Variants in LSP1 observed in about 807,000 individuals in gnomAD.
The protein encoded by LSP1 is lymphocyte-specific protein 1.
LSP1 carries 32 observed loss-of-function variants against 49.3 expected under a neutral mutation model. That is an observed-to-expected ratio of 0.65 (90% CI 0.49 to 0.87). The LOEUF is 0.87. Ranked by LOEUF, LSP1 falls within the 40% of genes least tolerant of loss-of-function variation. The pLI, the probability that LSP1 is intolerant of heterozygous loss-of-function variation, is 0.00. For synonymous variants in LSP1, 179 were observed against 178.8 expected, an observed-to-expected ratio of 1.00 and a Z score of -0.01; for missense variants, 428 against 442.6, an observed-to-expected ratio of 0.97 and a Z score of 0.30.
chr11:1,865,545 C>T (rs113484129), intron 1 of LSP1, among the ~76,000 whole-genome samples: 29,799 of 132,372 alleles, frequency 0.23, 3,240 homozygotes, highest in South Asian at 0.4. Context: ...CCGTCCCACC[C>T]GCACCGCCGG....
At chr11:1,876,574 G>T (rs1848318734) in intron 1 of LSP1, 1 of 985,520 alleles carries the variant, frequency 1.0e-6, no homozygotes, top group South Asian at 4.7e-5. Context: ...GGAGCTGCCT[G>T]CAGGGGGCAG....
At chr11:1,853,572 C>CT (rs1393722544) in intron 1 of LSP1, among the ~76,000 whole-genome samples, 1 of 152,164 alleles carries the variant, frequency 6.6e-6, no homozygotes, top group Non-Finnish European at 1.5e-5. Context: ...AAGGTGGGGG[C>CT]TGGGGAGCAG....
At chr11:1,889,050 A>G (rs1848871951) in intron 10 of LSP1, 2 of 574,360 alleles carry the variant, frequency 3.5e-6, no homozygotes, top group Non-Finnish European at 3.1e-6. Flanking sequence ...GCCCTGGTGC[A>G]TCTTCATGCA....
At chr11:1,870,404 G>A in intron 1 of LSP1, 1 of 1,228,166 alleles carries the variant, frequency 8.1e-7, no homozygotes, top group Non-Finnish European at 1.1e-6. Context: ...TTTCTGCTCT[G>A]CCATGTCTTC....
chr11:1,859,147 C>A (rs1277307980), intron 1 of LSP1, among the ~76,000 whole-genome samples: 1 of 152,206 alleles, frequency 6.6e-6, no homozygotes, highest in Non-Finnish European at 1.5e-5. Context: ...TTCCAGCATA[C>A]TTCCTGGGTT....
intron 1 of LSP1, among the ~76,000 whole-genome samples, chr11:1,862,529 G>A (rs1312942624): frequency 6.6e-6 from 1 of 152,148 alleles, no homozygotes; most frequent in Non-Finnish European, 1.5e-5. Context: ...AGGAGGCAAG[G>A]AGGAAATAGG....
At chr11:1,870,565 G>T in intron 1 of LSP1, 1 of 1,150,514 alleles carries the variant, frequency 8.7e-7, no homozygotes. Context: ...TGGGTGCTAC[G>T]GTAGGAAGAT....
intron 1 of LSP1, among the ~76,000 whole-genome samples, chr11:1,867,250 C>A (rs1295888786): frequency 6.6e-6 from 1 of 152,102 alleles, no homozygotes; most frequent in Non-Finnish European, 1.5e-5. Context: ...GGGGAGCCAC[C>A]AAGGTGAGCT....
intron 1 of LSP1, chr11:1,869,199 A>C: frequency 4.8e-6 from 1 of 206,518 alleles, no homozygotes; most frequent in East Asian, 1.5e-4. Flanking sequence ...CGGGTTGGGG[A>C]GGTATTGGTG....
At position 1,883,552 on chromosome 11, in the gene LSP1, CAGG is replaced by C; in HGVS notation, c.497_498+1del. On this transcript the variant is annotated inframe_deletion, in exon 4 of 11. Coordinates refer to ENST00000311604, the MANE Select transcript of LSP1 (RefSeq NM_002339.3). ...GGGGGCCGCAGGGGCTGAGGAGGAACAGGAGGAGGTGATGGCTCCACCTCAGAG... is the reference window on the plus strand; with the variant it reads ...GGGGGCCGCAGGGGCTGAGGAGGAACAGGAGGTGATGGCTCCACCTCAGAG... The C allele has an allele frequency of 6.2e-7, 1 of 1,610,996 alleles. No individual in the cohort carries two copies. The highest frequency in any genetic ancestry group is 8.5e-7 in the Non-Finnish European group (1 of 1,178,924).
chr11:1,877,314 G>A (rs1476329714), intron 1 of LSP1, among the ~76,000 whole-genome samples: 3 of 152,168 alleles, frequency 2.0e-5, no homozygotes, highest in African/African-American at 7.2e-5. Context: ...AGGAGACGTA[G>A]AAGGGGCCCA....
chr11:1,870,693 C>T, intron 1 of LSP1: 2 of 1,026,736 alleles, frequency 1.9e-6, no homozygotes, highest in African/African-American at 1.7e-5. Flanking sequence ...TGTATGAAGC[C>T]TCTGGTTGCG....
intron 10 of LSP1, chr11:1,889,337 G>A (rs1848887410): frequency 1.4e-6 from 1 of 711,080 alleles, no homozygotes. Flanking sequence ...GCCCTGCCAG[G>A]CGCCCTTGGG....
Position 1,884,191 on chromosome 11 carries a change from G to C in LSP1, c.592-89G>C. 3 of 1,524,682 alleles carry C rather than the reference G, an allele frequency of 2.0e-6. No individual in the cohort carries two copies. The highest frequency in any genetic ancestry group is 2.7e-6 in the Non-Finnish European group (3 of 1,098,704). 94.4% of individuals were successfully genotyped at this position (1,524,682 alleles called of 1,614,324 possible). ...AACCCCCATGATATAAGGGTTGGGGGTTGGATTAGTGGTTGGAGTAGCTGG... is the reference window on the plus strand; with the variant it reads ...AACCCCCATGATATAAGGGTTGGGGCTTGGATTAGTGGTTGGAGTAGCTGG... On this transcript the variant is annotated intron_variant, in intron 5 of 10. Transcript: ENST00000311604. This position sits in a 1 kb window ranked among gnomAD's most constrained non-coding sequence, Gnocchi z 4.1.
chr11:1,874,393 C>T (rs1006368962), intron 1 of LSP1, among the ~76,000 whole-genome samples: 1 of 152,024 alleles, frequency 6.6e-6, no homozygotes, highest in African/African-American at 2.4e-5. Flanking sequence ...GACACCCCTT[C>T]CCGGGAGCGA....
At chr11:1,863,537 G>A (rs1847696514) in intron 1 of LSP1, 1 of 152,328 alleles carries the variant, frequency 6.6e-6, no homozygotes, top group African/African-American at 2.4e-5. Context: ...TCCTGGACAT[G>A]GGTACATGGT....
chr11:1,890,583 A>G (rs1341976844), intron 10 of LSP1: 3 of 706,704 alleles, frequency 4.2e-6, no homozygotes, highest in African/African-American at 3.5e-5. Flanking sequence ...CGATATGAGC[A>G]TGACTGTGTC....
intron 1 of LSP1, among the ~76,000 whole-genome samples, chr11:1,859,902 C>T (rs962533145): frequency 6.6e-6 from 1 of 152,224 alleles, no homozygotes; most frequent in Non-Finnish European, 1.5e-5. Context: ...GCCAATGAGG[C>T]CACCACCCTG....
chr11:1,859,709 C>T, intron 1 of LSP1, among the ~76,000 whole-genome samples: 1 of 146,082 alleles, frequency 6.8e-6, no homozygotes, highest in East Asian at 2.0e-4. Context: ...CAGCCCCCAG[C>T]CCCCAGCCCC....
Sources: allele counts gnomAD v4.1 joint callset (sites outside exome capture counted in the v4.1 genomes callset), GRCh38; gene constraint gnomAD v4.1.1; non-coding constraint Gnocchi (gnomAD v3.1); transcripts MANE v1.5; gene names NCBI Gene and HGNC (gene_info 2026-07-23, HGNC 2026-07-21).